ATRNL1: variants seen among roughly 807,000 people sequenced by gnomAD.
ATRNL1 encodes attractin like 1, also known as attractin-like protein 1.
A neutral mutation model predicts 182.7 loss-of-function variants in ATRNL1; 95 were observed. That is an observed-to-expected ratio of 0.52 (90% CI 0.44 to 0.62). The LOEUF is 0.62. Among genes scored for constraint, ATRNL1 ranks in the 20% least tolerant of loss-of-function variants. The pLI is 0.00. For synonymous variants in ATRNL1, 576 were observed against 568.3 expected, an observed-to-expected ratio of 1.01 and a Z score of -0.19; for missense variants, 1,471 against 1,679.5, an observed-to-expected ratio of 0.88 and a Z score of 2.17.
rs530381777 is a variant in ATRNL1 at position 115,801,012 on chromosome 10, C to A, written c.3904-46865C>A. On this transcript the variant is annotated intron_variant, in intron 27 of 28. Coordinates refer to ENST00000355044, the MANE Select transcript of ATRNL1 (RefSeq NM_207303.4). ...TCAGGCCTGTCTTCAGAAACAGGTT[C>A]ACATCCCCATCTTCCAGTCATTGAA... is the stretch of plus-strand genomic sequence containing the variant. 3.3e-5 allele frequency among the ~76,000 whole-genome samples: 5 copies of A among 152,330 alleles called. No individual in the cohort carries two copies. The South Asian group carries it at 1.0e-3, about 32-fold the overall frequency.
At chr10:115,511,967 G>T (rs7920547) in intron 24 of ATRNL1, among the ~76,000 whole-genome samples, 73,238 of 151,546 alleles carry the variant, frequency 0.48, 18,473 homozygotes, top group African/African-American at 0.56. Context: ...TTTGATTATT[G>T]TTTGAATAAT....
chr10:115,185,621 AT>A (rs1847909691), intron 8 of ATRNL1, among the ~76,000 whole-genome samples: 1 of 152,014 alleles, frequency 6.6e-6, no homozygotes, highest in Admixed American at 6.6e-5. Flanking sequence ...TTGAAAAATC[AT>A]TTTGCAAAAG....
chr10:115,414,045 A>G (rs1282242127), intron 20 of ATRNL1, among the ~76,000 whole-genome samples: 1 of 152,064 alleles, frequency 6.6e-6, no homozygotes, highest in Non-Finnish European at 1.5e-5. Context: ...AGGCTTTTGT[A>G]CCTTCTCCGG....
At chr10:115,220,566 C>T (rs1849414704) in intron 9 of ATRNL1, 1 of 152,070 alleles carries the variant, frequency 6.6e-6, no homozygotes, top group Non-Finnish European at 1.5e-5. Context: ...TAAGAGTCTT[C>T]TGCTATCTCA....
chr10:115,407,958 A>G (rs1592609703), intron 20 of ATRNL1, among the ~76,000 whole-genome samples: 1 of 133,096 alleles, frequency 7.5e-6, no homozygotes, highest in African/African-American at 2.9e-5. Context: ...GTCAGATGAT[A>G]TCTCTTTGTG....
chr10:115,580,928 C>T (rs1264809728), intron 26 of ATRNL1, among the ~76,000 whole-genome samples: 2 of 152,060 alleles, frequency 1.3e-5, no homozygotes, highest in African/African-American at 4.8e-5. Context: ...TGTTGAAATT[C>T]TCAGCTTGTC....
At chr10:115,563,480 A>C (rs1555000405) in intron 26 of ATRNL1, among the ~76,000 whole-genome samples, 3 of 152,196 alleles carry the variant, frequency 2.0e-5, no homozygotes, top group African/African-American at 7.2e-5. Context: ...TACTGTTAAC[A>C]GGCATTTATA....
At chr10:115,254,906 T>C (rs1851050212) in intron 10 of ATRNL1, among the ~76,000 whole-genome samples, 1 of 152,228 alleles carries the variant, frequency 6.6e-6, no homozygotes, top group Non-Finnish European at 1.5e-5. Flanking sequence ...CTTTCCCCTT[T>C]TCTTGTTTTT....
intron 27 of ATRNL1, among the ~76,000 whole-genome samples, chr10:115,837,321 A>T (rs1950697930): frequency 6.6e-6 from 1 of 152,028 alleles, no homozygotes; most frequent in Non-Finnish European, 1.5e-5. Flanking sequence ...CTGCAGGAAG[A>T]CCCCAGAGAC....
intron 26 of ATRNL1, among the ~76,000 whole-genome samples, chr10:115,637,985 T>C (rs1004709062): frequency 5.9e-5 from 9 of 152,148 alleles, no homozygotes; most frequent in African/African-American, 2.2e-4. Flanking sequence ...ACTTATACTA[T>C]ACAGTTTTTA....
At chr10:115,589,340 C>A (rs1475524818) in intron 26 of ATRNL1, among the ~76,000 whole-genome samples, 1 of 152,050 alleles carries the variant, frequency 6.6e-6, no homozygotes, top group East Asian at 1.9e-4. Flanking sequence ...TAATCTTGGT[C>A]AAAAAGAGGG....
At chr10:115,142,153 T>C (rs575302799) in intron 5 of ATRNL1, among the ~76,000 whole-genome samples, 1 of 151,988 alleles carries the variant, frequency 6.6e-6, no homozygotes, top group Non-Finnish European at 1.5e-5. Context: ...CAATGGAAAA[T>C]TAAAGTAGAA....
intron 27 of ATRNL1, among the ~76,000 whole-genome samples, chr10:115,789,853 G>C (rs1272603401): frequency 6.6e-6 from 1 of 152,054 alleles, no homozygotes; most frequent in Admixed American, 6.6e-5. Flanking sequence ...AAATGCTCCA[G>C]TACAATTGAG....
intron 26 of ATRNL1, among the ~76,000 whole-genome samples, chr10:115,554,393 A>G (rs886596200): frequency 1.1e-4 from 17 of 151,628 alleles, no homozygotes; most frequent in Admixed American, 1.1e-3. Flanking sequence ...GAGAAGTCAA[A>G]TATGTATGCA....
intron 26 of ATRNL1, among the ~76,000 whole-genome samples, chr10:115,592,446 T>C (rs1214060599): frequency 1.3e-5 from 2 of 152,188 alleles, no homozygotes; most frequent in African/African-American, 4.8e-5. Context: ...TCTACAACTC[T>C]ACAACTGTCA....
chr10:115,837,509 CA>C (rs1950705418), intron 27 of ATRNL1, among the ~76,000 whole-genome samples: 2 of 129,756 alleles, frequency 1.5e-5, no homozygotes, highest in South Asian at 2.2e-4. Context: ...CACACACACA[CA>C]CACACACACA....
chr10:115,493,207 C>A (rs1554977169), intron 24 of ATRNL1, among the ~76,000 whole-genome samples: 3 of 151,998 alleles, frequency 2.0e-5, no homozygotes, highest in African/African-American at 7.2e-5. Flanking sequence ...CAGATTATTT[C>A]ATTGCCCAGG....
At chr10:115,514,660 G>C (rs1486746796) in intron 24 of ATRNL1, among the ~76,000 whole-genome samples, 3 of 151,560 alleles carry the variant, frequency 2.0e-5, no homozygotes, top group Non-Finnish European at 2.9e-5. Context: ...TTAGTCTGTT[G>C]GTTACTCCCA....
At chr10:115,223,211 G>A (rs1849538755) in intron 9 of ATRNL1, among the ~76,000 whole-genome samples, 1 of 152,286 alleles carries the variant, frequency 6.6e-6, no homozygotes, top group African/African-American at 2.4e-5. Context: ...TACCCGGGAG[G>A]CAGAGGTTGC....
Sources: gnomAD v4.1 joint callset for allele counts (sites outside exome capture counted in the v4.1 genomes callset) on GRCh38, gnomAD v4.1.1 for gene constraint, MANE v1.5 for transcripts, NCBI Gene and HGNC (gene_info 2026-07-23, HGNC 2026-07-21) for gene names.